POGZ: variants seen among roughly 807,000 people sequenced by gnomAD.
POGZ encodes pogo transposable element derived with ZNF domain.
Under a neutral mutation model 134.6 loss-of-function variants are expected in POGZ, and 17 were observed. That is an observed-to-expected ratio of 0.13 (90% confidence interval 0.09 to 0.19). The LOEUF (loss-of-function observed/expected upper bound fraction) is 0.19, where lower values mean the gene tolerates loss of function less well. POGZ is among the 10% of genes least tolerant of loss of function. The pLI, the probability that POGZ is intolerant of heterozygous loss-of-function variation, is 1.00. For synonymous variants in POGZ, 693 were observed against 657.1 expected (o/e 1.05, Z -0.84); for missense variants, 1,306 against 1,769.7 (o/e 0.74, Z 4.70).
chr1:151,418,567 T>G (rs1656209267), intron 10 of POGZ, among the ~76,000 whole-genome samples: 1 of 152,166 alleles, frequency 6.6e-6, no homozygotes. Context: ...AATTTTAAAA[T>G]AGCTAGAAGA....
intron 15 of POGZ, among the ~76,000 whole-genome samples, chr1:151,407,883 A>G (rs1376661359): frequency 6.6e-6 from 1 of 151,912 alleles, no homozygotes; most frequent in African/African-American, 2.4e-5. Context: ...ATGGTGGTGC[A>G]CACCTATAAT....
At chr1:151,436,633 T>A (rs1330067281) in intron 3 of POGZ, among the ~76,000 whole-genome samples, 1 of 152,166 alleles carries the variant, frequency 6.6e-6, no homozygotes, top group Non-Finnish European at 1.5e-5. Flanking sequence ...GGCTTCTTTC[T>A]CAGCATTATG....
intron 1 of POGZ, among the ~76,000 whole-genome samples, chr1:151,458,795 G>A (rs935770802): frequency 2.4e-4 from 35 of 145,706 alleles, no homozygotes; most frequent in Admixed American, 9.5e-4. Flanking sequence ...TGTGTGCGGG[G>A]CCGTGGGGCG....
chr1:151,431,597 A>C (rs1478977299), intron 3 of POGZ, among the ~76,000 whole-genome samples: 1 of 152,198 alleles, frequency 6.6e-6, no homozygotes, highest in African/African-American at 2.4e-5. Context: ...TCTTTATGTC[A>C]TCAGGGGTGA....
Position 151,404,240 on chromosome 1 carries a change from T to C in POGZ, c.*562A>G, listed in dbSNP as rs1653182606. ...CTTTTTTTCCATTTTCATTTTTATA[T>C]AAAAGTGTTAAGACCACAATGAAAA... On this transcript the variant is annotated 3_prime_UTR_variant, in exon 19 of 19. Transcript: ENST00000271715. 5.1e-6 allele frequency: 5 copies of C among 984,358 alleles called. No individual in the cohort carries two copies. In the South Asian group the frequency reaches 2.4e-4, roughly 46 times the overall value. 61.0% of individuals were successfully genotyped at this position (984,358 alleles called of 1,614,324 possible).
At chr1:151,426,163 A>C (rs146790201) in intron 7 of POGZ, 1 of 150,356 alleles carries the variant, frequency 6.7e-6, no homozygotes, top group Non-Finnish European at 1.5e-5. Flanking sequence ...AGAAAGGTCT[A>C]TTCAGTCCTT....
intron 1 of POGZ, among the ~76,000 whole-genome samples, chr1:151,456,355 T>A (rs910584306): frequency 2.0e-5 from 3 of 152,222 alleles, no homozygotes; most frequent in African/African-American, 7.2e-5. Flanking sequence ...AAAATTCTAA[T>A]TTTCACCCAA....
intron 1 of POGZ, chr1:151,442,431 CG>C: frequency 2.8e-6 from 1 of 352,058 alleles, no homozygotes; most frequent in Non-Finnish European, 5.1e-6. Context: ...GGTTACAGGC[CG>C]GGCATGGTGG....
rs2274535 is a variant in POGZ at position 151,406,774 on chromosome 1, G to A, written c.2545+137C>T. 0.74 allele frequency: 718,524 copies of A among 976,670 alleles called. 279,740 individuals are homozygous for A. Among genetic ancestry groups the A allele is most frequent in the Non-Finnish European group, 0.82 (521,256 of 633,614 alleles). The allele number at this position is 976,670 out of a possible 1,614,324, so 60.5% of individuals were successfully genotyped here. Reference sequence around the variant, plus strand: ...CCCAGTTTTATATAAACTTCAGGTCGGAAGGTTTCTAATTAGGTCCAGCAC... The same window carrying A: ...CCCAGTTTTATATAAACTTCAGGTCAGAAGGTTTCTAATTAGGTCCAGCAC... On this transcript the variant is annotated intron_variant, in intron 17 of 18. Coordinates refer to ENST00000271715, the MANE Select transcript of POGZ (RefSeq NM_015100.4).
rs1262678182 is a variant in POGZ, at chr1:151,406,161, T to C, written c.2874A>G (p.Ala958=). The C allele has an allele frequency of 6.2e-7, 1 of 1,613,958 alleles. No individual in the cohort carries two copies. The highest frequency in any genetic ancestry group is 1.3e-5 in the African/African-American group (1 of 74,930). Residue 958 remains alanine (A), a synonymous_variant, in exon 19 of 19, where the codon GCA becomes GCG. Transcript: ENST00000271715. ...CTCCACCACTACCACCACCACCTGA[T>C]GCTAGCTCAGGTTCTTGGGTGACTG... ...GSPVTQEPEL[A]SGGGGSGGVG... is the part of the protein sequence containing the mutation.
chr1:151,417,018 TA>T (rs1026574837), intron 10 of POGZ, among the ~76,000 whole-genome samples: 1 of 152,048 alleles, frequency 6.6e-6, no homozygotes, highest in South Asian at 2.1e-4. Flanking sequence ...AATTTTTAAA[TA>T]AAGTAGGTAT....
rs774407231 is a variant in POGZ, at chr1:151,424,026, G to A, written c.1446C>T (p.Ala482=). ...FYYGRDGGKV[A]QLTNFPKVAT... ...CGACCTTAGGGAAATTTGTGAGCTG[G>A]GCTACTTTGCCACCATCCCGTCCAT... is the stretch of plus-strand genomic sequence containing the variant. The change falls in exon 9 of 19, where the codon GCC becomes GCT. Residue 482 remains alanine, a synonymous_variant. Coordinates refer to ENST00000271715, the MANE Select transcript of POGZ (RefSeq NM_015100.4). 155 of 1,613,958 alleles carry A rather than the reference G, an allele frequency of 9.6e-5. No homozygotes were observed. The highest frequency in any genetic ancestry group is 1.3e-4 in the Non-Finnish European group (148 of 1,180,020).
chr1:151,408,932 C>A, intron 12 of POGZ, 104 bp from the exon 13 acceptor site: 1 of 963,504 alleles, frequency 1.0e-6, no homozygotes, highest in Non-Finnish European at 1.6e-6. Context: ...ATCATTCTTC[C>A]CACCTTTCTG....
chr1:151,456,894 GAAT>G lies in POGZ; in HGVS notation c.-2+2255_-2+2257del, dbSNP rs779438542. Among the ~76,000 whole-genome samples, 138 of 152,250 alleles carry G rather than the reference GAAT, an allele frequency of 9.1e-4. No homozygotes were observed. The Middle Eastern group carries it at 0.017, about 19-fold the overall frequency. On this transcript the variant is annotated intron_variant, in intron 1 of 18. Coordinates refer to ENST00000271715, the MANE Select transcript of POGZ (RefSeq NM_015100.4). ...ACTCCGCCTCAAAAAAATAAAAATA[GAAT>G]AATAAATTTTACTGCTTCAAGGGCA...
chr1:151,420,033 A>T (rs1002655217), intron 10 of POGZ, among the ~76,000 whole-genome samples: 2 of 151,808 alleles, frequency 1.3e-5, no homozygotes, highest in Admixed American at 1.3e-4. Context: ...CAAGAAAAGG[A>T]ATAAATTAGC....
At chr1:151,449,545 TA>T (rs1291237044) in intron 1 of POGZ, among the ~76,000 whole-genome samples, 2 of 151,454 alleles carry the variant, frequency 1.3e-5, no homozygotes, top group African/African-American at 2.4e-5. Context: ...CGAGGGCAAT[TA>T]AAAAAAAATC....
At chr1:151,428,462 T>TA (rs1243693942) in intron 5 of POGZ, 49 bp from the exon 6 acceptor site, 1 of 1,537,696 alleles carries the variant, frequency 6.5e-7, no homozygotes, top group African/African-American at 1.4e-5. Context: ...AGCTCACCTA[T>TA]AACACATTCT....
chr1:151,454,784 T>C (rs1194104695), intron 1 of POGZ, among the ~76,000 whole-genome samples: 2 of 152,370 alleles, frequency 1.3e-5, no homozygotes, highest in East Asian at 3.9e-4. Context: ...TAGTGTCTCT[T>C]TTCTGCTCTC....
intron 2 of POGZ, 67 bp downstream of exon 2, chr1:151,442,006 CTCACACTT>C: frequency 9.0e-7 from 1 of 1,113,486 alleles, no homozygotes; most frequent in South Asian, 1.4e-5. Context: ...CCTTTTCCAT[CTCACACTT>C]TGTTAACCAA....
Sources: allele counts gnomAD v4.1 joint callset (sites outside exome capture counted in the v4.1 genomes callset), GRCh38; gene constraint gnomAD v4.1.1; transcripts MANE v1.5; gene names NCBI Gene and HGNC (gene_info 2026-07-23, HGNC 2026-07-21).